The following NSMCE2 variants were observed in gnomAD, a reference collection of about 807,000 sequenced individuals.
The protein encoded by NSMCE2 is NSE2 SUMO ligase component of SMC5/6 complex.
NSMCE2 carries 24 observed loss-of-function variants against 23.8 expected under a neutral mutation model. The ratio of observed to expected loss-of-function variants is 1.01; its 90% CI spans 0.73 to 1.42. NSMCE2 has a LOEUF of 1.42. NSMCE2 is among the 40% of genes most tolerant of loss of function. The pLI, the probability that NSMCE2 is intolerant of heterozygous loss-of-function variation, is 0.00. For synonymous variants in NSMCE2, 92 were observed against 94.1 expected (o/e 0.98, Z 0.13); for missense variants, 284 against 296.5 (o/e 0.96, Z 0.31).
intron 5 of NSMCE2, among the ~76,000 whole-genome samples, chr8:125,257,213 G>A (rs1160768444): frequency 3.3e-5 from 5 of 151,666 alleles, no homozygotes; most frequent in African/African-American, 4.8e-5. Flanking sequence ...GAACCCAGAA[G>A]GCAGAGGTTG....
At chr8:125,200,352 C>T (rs917178241) in intron 5 of NSMCE2, among the ~76,000 whole-genome samples, 1 of 152,106 alleles carries the variant, frequency 6.6e-6, no homozygotes, top group Non-Finnish European at 1.5e-5. Context: ...TTCAGGAGCT[C>T]TTGTAAGGCA....
chr8:125,314,591 A>G (rs750061679), intron 5 of NSMCE2, among the ~76,000 whole-genome samples: 1 of 152,134 alleles, frequency 6.6e-6, no homozygotes, highest in Non-Finnish European at 1.5e-5. Context: ...TGCTTGGCCG[A>G]GCCTTGCATT....
intron 3 of NSMCE2, among the ~76,000 whole-genome samples, chr8:125,119,644 G>C (rs539430630): frequency 2.2e-4 from 34 of 152,170 alleles, no homozygotes; most frequent in Non-Finnish European, 4.3e-4. Flanking sequence ...AAAGATGACA[G>C]CTTATGGAAG....
chr8:125,164,389 A>C (rs1821770104), intron 4 of NSMCE2, among the ~76,000 whole-genome samples: 1 of 152,202 alleles, frequency 6.6e-6, no homozygotes. Context: ...TATTCATTGA[A>C]TTCACTTTGA....
intron 5 of NSMCE2, among the ~76,000 whole-genome samples, chr8:125,252,894 C>T (rs1826255347): frequency 6.6e-6 from 1 of 152,232 alleles, no homozygotes; most frequent in South Asian, 2.1e-4. Flanking sequence ...AGTGTCCTCA[C>T]CTACCAGCTG....
chr8:125,283,590 A>C (rs1337043426), intron 5 of NSMCE2, among the ~76,000 whole-genome samples: 1 of 152,210 alleles, frequency 6.6e-6, no homozygotes, highest in Non-Finnish European at 1.5e-5. Flanking sequence ...AACCAACTGG[A>C]AACTGCTTAA....
chr8:125,282,316 G>C (rs537181685), intron 5 of NSMCE2, among the ~76,000 whole-genome samples: 1 of 152,254 alleles, frequency 6.6e-6, no homozygotes, highest in South Asian at 2.1e-4. Context: ...GTTTCACCAT[G>C]TTGGCCAGGC....
chr8:125,295,965 T>C (rs1828306575), intron 5 of NSMCE2, among the ~76,000 whole-genome samples: 1 of 152,146 alleles, frequency 6.6e-6, no homozygotes, highest in African/African-American at 2.4e-5. Flanking sequence ...TTCACAACTA[T>C]TAAACAAGAA....
chr8:125,236,698 A>G (rs1432778975), intron 5 of NSMCE2, among the ~76,000 whole-genome samples: 1 of 152,194 alleles, frequency 6.6e-6, no homozygotes, highest in Non-Finnish European at 1.5e-5. Flanking sequence ...TCATCATTTA[A>G]TGTGTTTTAA....
intron 5 of NSMCE2, among the ~76,000 whole-genome samples, chr8:125,324,439 G>T (rs1299913546): frequency 8.1e-6 from 1 of 123,072 alleles, no homozygotes; most frequent in Non-Finnish European, 1.6e-5. Context: ...AATAGACATT[G>T]TATGTCATAT....
In NSMCE2 at chr8:125,272,755, G is replaced by A. The variant is rs977009282; in HGVS notation, c.419-84464G>A. The stretch of plus-strand genomic sequence containing the variant: ...CACACACACACATATATATACACAC[G>A]TATATATATATACACACACACGTAT... On this transcript the variant is annotated intron_variant, in intron 5 of 7. Transcript: ENST00000287437. Among the ~76,000 whole-genome samples the A allele has an allele frequency of 8.2e-4, 101 of 123,896 alleles. 6 individuals are homozygous for A. Among genetic ancestry groups the A allele is most frequent in the African/African-American group, 2.6e-3 (82 of 32,080 alleles). The allele number at this position is 123,896 out of a possible 152,430, so 81.3% of individuals were successfully genotyped here.
intron 4 of NSMCE2, among the ~76,000 whole-genome samples, chr8:125,178,727 G>A (rs1250039882): frequency 5.3e-5 from 8 of 151,878 alleles, no homozygotes; most frequent in Admixed American, 1.3e-4. Context: ...AAAATTAGCC[G>A]GGCATGGTGA....
At chr8:125,240,909 G>T (rs1284310724) in intron 5 of NSMCE2, among the ~76,000 whole-genome samples, 1 of 152,098 alleles carries the variant, frequency 6.6e-6, no homozygotes, top group African/African-American at 2.4e-5. Context: ...TCTATTTATG[G>T]ATCCCAGCTG....
intron 5 of NSMCE2, among the ~76,000 whole-genome samples, chr8:125,354,209 G>A (rs1240209022): frequency 4.6e-5 from 7 of 152,100 alleles, no homozygotes; most frequent in African/African-American, 1.7e-4. Context: ...TGGGATTACA[G>A]GCGTGAGCCA....
intron 3 of NSMCE2, among the ~76,000 whole-genome samples, chr8:125,119,979 G>C (rs1819190812): frequency 6.6e-6 from 1 of 151,974 alleles, no homozygotes; most frequent in African/African-American, 2.4e-5. Flanking sequence ...AAAATTTTCT[G>C]CTGTCCTTAT....
At chr8:125,108,393 T>TG (rs756568028) in intron 3 of NSMCE2, among the ~76,000 whole-genome samples, 48 of 152,204 alleles carry the variant, frequency 3.2e-4, no homozygotes, top group Non-Finnish European at 5.9e-4. Context: ...TAACAGTAGA[T>TG]GAAAGACTTG....
In NSMCE2 at chr8:125,344,232, C is replaced by T. The variant is rs79073869; in HGVS notation, c.419-12987C>T. Among the ~76,000 whole-genome samples the T allele has an allele frequency of 5.0e-3, 759 of 152,314 alleles. 10 individuals carry two copies. The highest frequency in any genetic ancestry group is 0.018 in the African/African-American group (733 of 41,566). On this transcript the variant is annotated intron_variant, in intron 5 of 7. Transcript: ENST00000287437. ...TTGAATAAACAAATCCATCCACCCT[C>T]ATTGCCGTCAGTCCTACTTACCTCA...
intron 1 of NSMCE2, among the ~76,000 whole-genome samples, chr8:125,099,206 G>A (rs1201620705): frequency 6.6e-6 from 1 of 152,132 alleles, no homozygotes; most frequent in Non-Finnish European, 1.5e-5. Flanking sequence ...ATGTCGTTTG[G>A]CAATACCTGC....
chr8:125,114,858 A>G (rs1255833723), intron 3 of NSMCE2, among the ~76,000 whole-genome samples: 2 of 152,234 alleles, frequency 1.3e-5, no homozygotes, highest in South Asian at 2.1e-4. Context: ...AGTGGAAAAC[A>G]TAGGCAATAC....
Sources: allele counts gnomAD v4.1 joint callset (sites outside exome capture counted in the v4.1 genomes callset), GRCh38; gene constraint gnomAD v4.1.1; transcripts MANE v1.5; gene names NCBI Gene and HGNC (gene_info 2026-07-23, HGNC 2026-07-21).